SIRPG: variants seen among roughly 807,000 people sequenced by gnomAD.
The protein encoded by SIRPG is signal-regulatory protein gamma.
A neutral mutation model predicts 35.7 loss-of-function variants in SIRPG; 38 were observed. The observed-to-expected ratio is 1.06, with a 90% CI of 0.82 to 1.40. The LOEUF (loss-of-function observed/expected upper bound fraction) is 1.40. Ranked by LOEUF, SIRPG falls within the 40% of genes most tolerant of loss-of-function variation. The probability of loss-of-function intolerance (pLI) is 0.00; values close to 1 mark genes in which losing one functional copy is unlikely to be tolerated. For synonymous variants in SIRPG, 215 were observed against 190.4 expected (o/e 1.13, Z -1.06); for missense variants, 519 against 483.0 (o/e 1.07, Z -0.70).
rs185043663 is a variant in SIRPG at position 1,642,047 on chromosome 20, A to G, written c.431-5542T>C. 3.8e-3 allele frequency among the ~76,000 whole-genome samples: 585 copies of G among 152,296 alleles called. 9 individuals are homozygous for G. Among genetic ancestry groups the G allele is most frequent in the Admixed American group, 0.03 (455 of 15,290 alleles). ...GATTTTAGAATAAGTGCCTTGTGGCACTGAGAACAATGTGTTTTCTGTTGA... is the reference window on the plus strand; with the variant it reads ...GATTTTAGAATAAGTGCCTTGTGGCGCTGAGAACAATGTGTTTTCTGTTGA... On this transcript the variant is annotated intron_variant, in intron 2 of 5. Coordinates refer to ENST00000303415, the MANE Select transcript of SIRPG (RefSeq NM_018556.4).
At chr20:1,672,514 C>T in the SIRPG span, among the ~76,000 whole-genome samples, 1 of 152,178 alleles carries the variant, frequency 6.6e-6, no homozygotes, top group South Asian at 2.1e-4. Context: ...TGATCTCTCT[C>T]ATCCTGGAGT....
At chr20:1,669,495 T>G in the SIRPG span, among the ~76,000 whole-genome samples, 5 of 152,210 alleles carry the variant, frequency 3.3e-5, no homozygotes, top group African/African-American at 4.8e-5. Context: ...CTTAAATGCC[T>G]TTTCTGATTT....
At chr20:1,657,200 G>A (rs1476341123) in intron 1 of SIRPG, among the ~76,000 whole-genome samples, 1 of 152,110 alleles carries the variant, frequency 6.6e-6, no homozygotes. Context: ...CTCCAGAACT[G>A]AAAGAAAGAA....
upstream of SIRPG, among the ~76,000 whole-genome samples, chr20:1,660,119 GTAA>G (rs1350297562): frequency 3.9e-5 from 6 of 152,282 alleles, no homozygotes; most frequent in South Asian, 4.1e-4. Flanking sequence ...CATCAGGCAT[GTAA>G]TAATATGAAA....
the SIRPG span, among the ~76,000 whole-genome samples, chr20:1,663,341 G>A: frequency 2.6e-5 from 4 of 152,042 alleles, no homozygotes; most frequent in East Asian, 1.9e-4. Flanking sequence ...AAAAATCATC[G>A]TGACTGAAAA....
chr20:1,637,999 C>T (rs1305437081), intron 2 of SIRPG, among the ~76,000 whole-genome samples: 1 of 152,214 alleles, frequency 6.6e-6, no homozygotes, highest in Admixed American at 6.5e-5. Flanking sequence ...CTACCACATG[C>T]AAACATTTTA....
chr20:1,663,226 T>C, the SIRPG span, among the ~76,000 whole-genome samples: 3 of 152,032 alleles, frequency 2.0e-5, no homozygotes, highest in East Asian at 1.9e-4. Flanking sequence ...GGCAGGAGAA[T>C]GGCGTGAACC....
intron 1 of SIRPG, among the ~76,000 whole-genome samples, chr20:1,655,176 G>T (rs1398983727): frequency 6.6e-6 from 1 of 152,084 alleles, no homozygotes; most frequent in Non-Finnish European, 1.5e-5. Flanking sequence ...CTCACTACTG[G>T]CATATATCCA....
chr20:1,653,220 T>C (rs530928981), intron 1 of SIRPG, among the ~76,000 whole-genome samples: 1 of 152,122 alleles, frequency 6.6e-6, no homozygotes, highest in South Asian at 2.1e-4. Flanking sequence ...ACCTCTAGAG[T>C]CAGAGTGCCT....
chr20:1,671,557 G>A, the SIRPG span, among the ~76,000 whole-genome samples: 1 of 152,152 alleles, frequency 6.6e-6, no homozygotes, highest in Non-Finnish European at 1.5e-5. Context: ...CTAACCCAGC[G>A]GCGCTAGAGG....
In SIRPG at chr20:1,636,427, G is replaced by T; in HGVS notation, c.509C>A (p.Ser170Tyr). Residue 170 changes from serine to tyrosine, a missense_variant, in exon 3 of 6, where the codon TCC becomes TAC. Transcript: ENST00000303415. ...PEHTVSFTCE[S>Y]HGFSPRDITL... is the part of the protein sequence containing the mutation. Reference sequence around the variant, plus strand: ...GATGTCTCTGGGAGAGAAGCCATGGGACTCACAGGTGAAACTCACTGTATG... The same window carrying T: ...GATGTCTCTGGGAGAGAAGCCATGGTACTCACAGGTGAAACTCACTGTATG... The T allele has an allele frequency of 1.2e-6, 2 of 1,614,222 alleles. No homozygotes were observed. Among genetic ancestry groups the T allele is most frequent in the Non-Finnish European group, 1.7e-6 (2 of 1,180,032 alleles).
chr20:1,646,910 G>C (rs192854093), intron 2 of SIRPG: 102 of 152,456 alleles, frequency 6.7e-4, no homozygotes, highest in African/African-American at 2.4e-3. Context: ...GCCTCCCAAA[G>C]TGCTGGGATT....
upstream of SIRPG, among the ~76,000 whole-genome samples, chr20:1,660,324 T>C (rs78038212): frequency 0.025 from 3,861 of 152,268 alleles, 168 homozygotes; most frequent in African/African-American, 0.084. Flanking sequence ...TTTCCTGTGG[T>C]ACAGCACAGA....
chr20:1,672,641 G>A, the SIRPG span, among the ~76,000 whole-genome samples: 1 of 152,184 alleles, frequency 6.6e-6, no homozygotes, highest in African/African-American at 2.4e-5. Flanking sequence ...CCGCACTGCT[G>A]TATGAGACTC....
chr20:1,634,615 G>A (rs892160177), intron 4 of SIRPG, among the ~76,000 whole-genome samples: 5 of 152,272 alleles, frequency 3.3e-5, no homozygotes, highest in Non-Finnish European at 7.4e-5. Flanking sequence ...CAGAAACAAA[G>A]CAGAGGTTAG....
At chr20:1,671,050 T>G in the SIRPG span, 1 of 427,280 alleles carries the variant, frequency 2.3e-6, no homozygotes, top group Non-Finnish European at 4.7e-6. Flanking sequence ...CACGTTGATC[T>G]GGAAGCCTGA....
At chr20:1,650,012 A>ATATATATATG (rs1454721859) in intron 1 of SIRPG, among the ~76,000 whole-genome samples, 3 of 142,930 alleles carry the variant, frequency 2.1e-5, no homozygotes, top group Non-Finnish European at 3.0e-5. Context: ...GTGTATATAT[A>ATATATATATG]TATATATATA....
At chr20:1,649,019 T>C in intron 2 of SIRPG, 33 bp downstream of exon 2, 1 of 1,550,718 alleles carries the variant, frequency 6.4e-7, no homozygotes, top group Non-Finnish European at 8.9e-7. Context: ...TTGTCACACA[T>C]CAGGGGATGA....
the SIRPG span, among the ~76,000 whole-genome samples, chr20:1,666,977 T>A: frequency 6.6e-6 from 1 of 152,110 alleles, no homozygotes; most frequent in Non-Finnish European, 1.5e-5. Flanking sequence ...AGTGGCGTGA[T>A]CGCGGTTCAC....
Sources: gnomAD v4.1 joint callset for allele counts (sites outside exome capture counted in the v4.1 genomes callset) on GRCh38, gnomAD v4.1.1 for gene constraint, MANE v1.5 for transcripts, NCBI Gene and HGNC (gene_info 2026-07-23, HGNC 2026-07-21) for gene names.